LPIN1: variants seen among roughly 807,000 people sequenced by gnomAD.
LPIN1 encodes phosphatidate phosphatase LPIN1.
In LPIN1, 71 loss-of-function variants were observed where a neutral mutation model predicts 107.5. The ratio of observed to expected loss-of-function variants is 0.66; its 90% confidence interval spans 0.55 to 0.80. LPIN1 has a LOEUF of 0.80. LPIN1 is among the 30% of genes least tolerant of loss of function. LPIN1 has a pLI of 0.00. For missense variants in LPIN1, 1,043 were observed against 1,160.6 expected, an observed-to-expected ratio of 0.90 and a Z score of 1.47; for synonymous variants, 445 against 452.6, an observed-to-expected ratio of 0.98 and a Z score of 0.21.
At chr2:11,794,795 G>A (rs569373641) in intron 13 of LPIN1, among the ~76,000 whole-genome samples, 21 of 152,248 alleles carry the variant, frequency 1.4e-4, no homozygotes, top group Middle Eastern at 3.4e-3. Context: ...CCATGGCAGC[G>A]TTAGGAGATG....
chr2:11,735,009 T>C lies in LPIN1; in HGVS notation c.-71-6340T>C, dbSNP rs554376723. On this transcript the variant is annotated intron_variant, in intron 1 of 21. Transcript: ENST00000396097. Reference sequence around the variant, plus strand: ...CAGAAGGTTATTCAGAAAGTGTTCCTGGCTGGGCGCGGTGGCTCATGCTTG... The same window carrying C: ...CAGAAGGTTATTCAGAAAGTGTTCCCGGCTGGGCGCGGTGGCTCATGCTTG... 2.0e-5 allele frequency among the ~76,000 whole-genome samples: 3 copies of C among 152,268 alleles called. No individual in the cohort carries two copies. In the South Asian group the frequency reaches 6.2e-4, roughly 32 times the overall value.
At chr2:11,754,026 G>A (rs971727455) in intron 1 of LPIN1, among the ~76,000 whole-genome samples, 5 of 152,170 alleles carry the variant, frequency 3.3e-5, no homozygotes, top group Non-Finnish European at 7.4e-5. Flanking sequence ...AGAGGAGGGC[G>A]GCTAGGGCAG....
chr2:11,683,583 T>G (rs1661840660), intron 1 of LPIN1, among the ~76,000 whole-genome samples: 1 of 152,168 alleles, frequency 6.6e-6, no homozygotes, highest in South Asian at 2.1e-4. Flanking sequence ...GCTTTTACTC[T>G]GGGAAGTAAC....
intron 17 of LPIN1, among the ~76,000 whole-genome samples, chr2:11,809,819 C>G (rs766150749): frequency 6.6e-6 from 1 of 152,112 alleles, no homozygotes; most frequent in Non-Finnish European, 1.5e-5. Flanking sequence ...TAGGATGATG[C>G]GAGATGATAA....
intron 1 of LPIN1, among the ~76,000 whole-genome samples, chr2:11,735,469 G>C (rs1333141209): frequency 1.3e-5 from 2 of 152,166 alleles, no homozygotes; most frequent in Non-Finnish European, 2.9e-5. Flanking sequence ...ACATGTATTT[G>C]AATCTAGGAG....
rs778466664 is a variant in LPIN1, at chr2:11,773,724, G to C, written c.701G>C (p.Arg234Thr). The change falls in exon 5 of 21, where the codon AGA becomes ACA. Residue 234 changes from arginine to threonine, a missense_variant. Coordinates refer to ENST00000674199, the MANE Select transcript of LPIN1 (RefSeq NM_001349206.2). The part of the protein sequence containing the change: ...PQSASYPNSD[R>T]EWSPTPSSLV... ...TCAGCCTCATACCCTAATTCGGATA[G>C]AGAGTGGTCACCCACTCCCAGGTAA... is the stretch of plus-strand genomic sequence containing the variant. 7 of 1,613,914 alleles carry C rather than the reference G, an allele frequency of 4.3e-6. No homozygotes were observed. Among genetic ancestry groups the C allele is most frequent in the African/African-American group, 1.3e-5 (1 of 74,902 alleles).
chr2:11,771,480 C>T lies in LPIN1; in HGVS notation c.397C>T (p.Pro133Ser). 2 of 1,614,208 alleles carry T rather than the reference C, an allele frequency of 1.2e-6. No individual in the cohort carries two copies. Among genetic ancestry groups the T allele is most frequent in the Non-Finnish European group, 8.5e-7 (1 of 1,180,034 alleles). ...TGTGGACAGGATGAGAGGCCTGGAC[C>T]CCAGCACGCCAGCCCAAGTGATCGC... ...GSVDRMRGLD[P>S]STPAQVIAPS... The change falls in exon 4 of 21, where the codon CCC (proline) becomes TCC (serine). Residue 133 changes from proline (P) to serine (S), a missense_variant. Pro to Ser is a moderately conservative substitution (Grantham distance 74). Transcript: ENST00000674199. The surrounding 1 kb of genome is among the most constrained non-coding windows in gnomAD (Gnocchi z 4.8).
At position 11,786,925 on chromosome 2, in the gene LPIN1, T is replaced by A. The variant is rs1674690469; in HGVS notation, c.1550-149T>A. The A allele has an allele frequency of 5.8e-6, 4 of 693,436 alleles. No homozygotes were observed. Among genetic ancestry groups the A allele is most frequent in the Admixed American group, 2.0e-5 (1 of 49,192 alleles). The allele number at this position is 693,436 out of a possible 1,614,324, so 43.0% of individuals were successfully genotyped here. A position where few individuals can be genotyped will look rare whatever the true frequency, so the allele number is the denominator to read the frequency against. On this transcript the variant is annotated intron_variant, in intron 10 of 20. Coordinates refer to ENST00000674199, the MANE Select transcript of LPIN1 (RefSeq NM_001349206.2). The surrounding 1 kb of genome is among the most constrained non-coding windows in gnomAD (Gnocchi z 4.1). ...GCCTTCCAGGTAAAATGGTGCGGCC[T>A]TTACAAATACATTTTATAGGATTGT... is the stretch of plus-strand genomic sequence containing the variant.
intron 1 of LPIN1, among the ~76,000 whole-genome samples, chr2:11,750,352 G>C (rs1667609035): frequency 6.6e-6 from 1 of 152,220 alleles, no homozygotes; most frequent in Non-Finnish European, 1.5e-5. Context: ...ACCAGTCTCG[G>C]GGTGGCCTCT....
Position 11,795,460 on chromosome 2 carries a change from A to C in LPIN1, c.1859A>C (p.Gln620Pro). The change falls in exon 14 of 21, where the codon CAA becomes CCA. Residue 620 changes from glutamine (Q) to proline (P), a missense_variant. Physicochemically the swap from Gln to Pro is moderately conservative, Grantham distance 76. Coordinates refer to ENST00000674199, the MANE Select transcript of LPIN1 (RefSeq NM_001349206.2). ...GGCAAGGCCCATAGCACCGGAGAGC[A>C]ACCGCCGCAGCTCAGCTTGGCCACC... ...LAGKAHSTGE[Q>P]PPQLSLATRV... 1 of 1,614,142 alleles carries C rather than the reference A, an allele frequency of 6.2e-7. No individual in the cohort carries two copies. Among genetic ancestry groups the C allele is most frequent in the Non-Finnish European group, 8.5e-7 (1 of 1,180,022 alleles).
At chr2:11,817,500 T>C (rs1680767803) in intron 18 of LPIN1, 1 of 152,258 alleles carries the variant, frequency 6.6e-6, no homozygotes, top group African/African-American at 2.4e-5. Context: ...TCCTGGATTT[T>C]ATCTGAAGGT....
Position 11,795,187 on chromosome 2 carries a change from A to G in LPIN1, c.1807-221A>G, listed in dbSNP as rs1201425377. Among the ~76,000 whole-genome samples, 6 of 152,284 alleles carry G rather than the reference A, an allele frequency of 3.9e-5. No homozygotes were observed. The East Asian group carries it at 7.7e-4, about 20-fold the overall frequency. On this transcript the variant is annotated intron_variant, in intron 13 of 20. Transcript: ENST00000674199. ...GATAACAGATTCGTTTCTGTCAAAA[A>G]TATTTCTTGGTTTAATCGTACACTT... is the stretch of plus-strand genomic sequence containing the variant.
At chr2:11,795,580 C>A in intron 14 of LPIN1, 93 bp downstream of exon 14, 1 of 1,128,468 alleles carries the variant, frequency 8.9e-7, no homozygotes, top group Non-Finnish European at 1.3e-6. Context: ...GTTCACCACA[C>A]AGTTCCAACT....
chr2:11,750,406 T>G (rs951489931), intron 1 of LPIN1, among the ~76,000 whole-genome samples: 10 of 152,242 alleles, frequency 6.6e-5, no homozygotes, highest in Non-Finnish European at 1.2e-4. Flanking sequence ...AATGTAGGCA[T>G]AGCCTTCAAA....
At chr2:11,682,201 G>C (rs1169102192) in intron 1 of LPIN1, 1 of 152,334 alleles carries the variant, frequency 6.6e-6, no homozygotes, top group African/African-American at 2.4e-5. Flanking sequence ...GTGAGCCGTG[G>C]GGAGGCCTTG....
chr2:11,804,276 G>A (rs1678267249), intron 15 of LPIN1, 147 bp from the exon 16 acceptor site: 1 of 846,708 alleles, frequency 1.2e-6, no homozygotes, highest in South Asian at 1.5e-5. Context: ...AACAAGGAAG[G>A]GTGGGGAAAG....
intron 4 of LPIN1, among the ~76,000 whole-genome samples, chr2:11,772,619 T>G (rs1163346321): frequency 6.6e-6 from 1 of 152,232 alleles, no homozygotes; most frequent in East Asian, 1.9e-4. Context: ...AATTTTGACT[T>G]AGGTCCAAAG....
intron 17 of LPIN1, among the ~76,000 whole-genome samples, chr2:11,809,476 GCA>G (rs1679286278): frequency 6.6e-6 from 1 of 152,156 alleles, no homozygotes; most frequent in Non-Finnish European, 1.5e-5. Flanking sequence ...GAGTGCAATG[GCA>G]TGATCTTGGC....
chr2:11,704,248 G>A (rs1182020076), intron 1 of LPIN1, among the ~76,000 whole-genome samples: 2 of 152,222 alleles, frequency 1.3e-5, no homozygotes, highest in South Asian at 2.1e-4. Flanking sequence ...ATCTCTCAAC[G>A]GAAGGAGTAG....
Sources: allele counts gnomAD v4.1 joint callset (sites outside exome capture counted in the v4.1 genomes callset), GRCh38; gene constraint gnomAD v4.1.1; non-coding constraint Gnocchi (gnomAD v3.1); transcripts MANE v1.5; gene names NCBI Gene and HGNC (gene_info 2026-07-23, HGNC 2026-07-21).